The following UVRAG variants were observed in gnomAD, a reference collection of about 807,000 sequenced individuals.
UVRAG encodes the protein UV radiation resistance-associated gene protein.
Under a neutral mutation model 78.0 loss-of-function variants are expected in UVRAG, and 19 were observed. That is an observed-to-expected ratio of 0.24 (90% confidence interval 0.17 to 0.36). UVRAG has a LOEUF of 0.36. Ranked by LOEUF, UVRAG falls within the 10% of genes least tolerant of loss-of-function variation. The pLI is 1.00. For missense variants in UVRAG, 740 were observed against 853.8 expected, an observed-to-expected ratio of 0.87 and a Z score of 1.66; for synonymous variants, 323 against 324.6, an observed-to-expected ratio of 1.00 and a Z score of 0.05.
intron 7 of UVRAG, among the ~76,000 whole-genome samples, chr11:75,961,973 CTTA>C (rs1948919758): frequency 1.3e-5 from 2 of 152,052 alleles, no homozygotes; most frequent in South Asian, 4.1e-4. Flanking sequence ...GGGAAATACT[CTTA>C]TTAAGGAGGC....
At chr11:75,878,922 AGG>A (rs1946878050) in intron 3 of UVRAG, among the ~76,000 whole-genome samples, 2 of 145,234 alleles carry the variant, frequency 1.4e-5, no homozygotes, top group Non-Finnish European at 3.1e-5. Flanking sequence ...GGGGAGGGAG[AGG>A]GAGAGGGAGA....
intron 3 of UVRAG, among the ~76,000 whole-genome samples, chr11:75,869,773 T>C (rs1451991466): frequency 1.3e-5 from 2 of 152,174 alleles, no homozygotes; most frequent in Non-Finnish European, 2.9e-5. Flanking sequence ...ATTGTGTTAA[T>C]AGTAATGATA....
chr11:75,893,923 G>A (rs1947280837), intron 5 of UVRAG, among the ~76,000 whole-genome samples: 1 of 152,056 alleles, frequency 6.6e-6, no homozygotes, highest in Non-Finnish European at 1.5e-5. Context: ...GGGATTATAG[G>A]TGTGAACCAC....
At chr11:75,886,179 T>C (rs1401213556) in intron 4 of UVRAG, among the ~76,000 whole-genome samples, 2 of 152,176 alleles carry the variant, frequency 1.3e-5, no homozygotes, top group East Asian at 3.8e-4. Context: ...TTTCAAGTAC[T>C]AGTACTATAT....
intron 14 of UVRAG, among the ~76,000 whole-genome samples, chr11:76,127,671 A>G (rs530933418): frequency 4.7e-5 from 7 of 148,836 alleles, no homozygotes; most frequent in East Asian, 2.0e-4. Context: ...GAATGAATCA[A>G]TGAGGCCTGG....
At position 76,141,283 on chromosome 11, in the gene UVRAG, T is replaced by C. The variant is rs1952719124; in HGVS notation, c.1970T>C (p.Val657Ala). The part of the protein sequence containing the change: ...DQLEAFNCIP[V>A]DSAVAVECDE... Reference sequence around the variant, plus strand: ...CTAGAAGCATTTAACTGCATCCCAGTGGACAGTGCTGTGGCAGTAGAGTGT... The same window carrying C: ...CTAGAAGCATTTAACTGCATCCCAGCGGACAGTGCTGTGGCAGTAGAGTGT... The change falls in exon 15 of 15, where the codon GTG (valine) becomes GCG (alanine). Residue 657 changes from valine to alanine, a missense_variant. Transcript: ENST00000356136. 2 of 1,614,056 alleles carry C rather than the reference T, an allele frequency of 1.2e-6. No individual in the cohort carries two copies. Among genetic ancestry groups the C allele is most frequent in the African/African-American group, 1.3e-5 (1 of 74,904 alleles).
At chr11:75,895,769 A>C (rs1031698935) in intron 5 of UVRAG, among the ~76,000 whole-genome samples, 3 of 152,024 alleles carry the variant, frequency 2.0e-5, no homozygotes, top group Non-Finnish European at 2.9e-5. Context: ...GAGCCACCAC[A>C]CCTGGCCAGA....
At chr11:76,031,854 A>T (rs1001380200) in intron 12 of UVRAG, among the ~76,000 whole-genome samples, 1 of 152,200 alleles carries the variant, frequency 6.6e-6, no homozygotes, top group East Asian at 1.9e-4. Flanking sequence ...TGAGCGTGCC[A>T]GTAGTTCATG....
At chr11:76,090,925 G>T (rs1335662763) in intron 13 of UVRAG, among the ~76,000 whole-genome samples, 1 of 152,046 alleles carries the variant, frequency 6.6e-6, no homozygotes, top group Non-Finnish European at 1.5e-5. Flanking sequence ...CATAATCCTA[G>T]GGATTTCCAT....
At chr11:75,928,192 T>C (rs1948154920) in intron 6 of UVRAG, among the ~76,000 whole-genome samples, 1 of 152,124 alleles carries the variant, frequency 6.6e-6, no homozygotes, top group African/African-American at 2.4e-5. Flanking sequence ...ATCAGAAAAC[T>C]GCTGCTGGTG....
At chr11:75,887,852 G>T (rs541652002) in intron 4 of UVRAG, among the ~76,000 whole-genome samples, 62 of 152,316 alleles carry the variant, frequency 4.1e-4, no homozygotes, top group African/African-American at 1.5e-3. Flanking sequence ...CCAAAGTGCT[G>T]GGATTACAGG....
intron 3 of UVRAG, among the ~76,000 whole-genome samples, chr11:75,868,825 T>C (rs1412082496): frequency 2.0e-5 from 3 of 152,228 alleles, no homozygotes; most frequent in Admixed American, 6.5e-5. Context: ...ATCTACTCAT[T>C]GGTTATTTTC....
rs1952720959 is a variant in UVRAG at position 76,141,383 on chromosome 11, C to T, written c.2070C>T (p.Phe690=). Residue 690 remains phenylalanine, a synonymous_variant, in exon 15 of 15, where the codon TTC becomes TTT. Coordinates refer to ENST00000356136, the MANE Select transcript of UVRAG (RefSeq NM_003369.4). ...CACTGAATGAAAACGTATCCAGCTT[C>T]CGCCGGCCGCGCAGGAGTTCCGATA... ...IYALNENVSS[F]RRPRRSSDK 2 of 1,613,626 alleles carry T rather than the reference C, an allele frequency of 1.2e-6. No individual in the cohort carries two copies. The highest frequency in any genetic ancestry group is 1.7e-5 in the Admixed American group (1 of 60,008).
intron 12 of UVRAG, among the ~76,000 whole-genome samples, chr11:76,035,758 C>A (rs904039405): frequency 6.6e-6 from 1 of 152,136 alleles, no homozygotes; most frequent in Non-Finnish European, 1.5e-5. Context: ...TGAATATCTA[C>A]CATATGAATA....
chr11:75,887,066 A>C (rs1325000766), intron 4 of UVRAG, among the ~76,000 whole-genome samples: 1 of 151,344 alleles, frequency 6.6e-6, no homozygotes, highest in Non-Finnish European at 1.5e-5. Flanking sequence ...CCCGGGTTCA[A>C]ACAATTCTCC....
intron 13 of UVRAG, among the ~76,000 whole-genome samples, chr11:76,066,287 C>G (rs1480647191): frequency 2.0e-5 from 3 of 152,116 alleles, no homozygotes; most frequent in Non-Finnish European, 4.4e-5. Context: ...AACATCACAT[C>G]AGTTAGTATG....
chr11:75,857,053 C>G (rs572914803), intron 2 of UVRAG, among the ~76,000 whole-genome samples: 5 of 152,292 alleles, frequency 3.3e-5, no homozygotes, highest in Admixed American at 1.3e-4. Context: ...TATCCATAAC[C>G]TAATCACTTC....
intron 11 of UVRAG, among the ~76,000 whole-genome samples, chr11:76,009,692 G>T (rs889619628): frequency 5.3e-5 from 8 of 152,118 alleles, no homozygotes; most frequent in Non-Finnish European, 1.0e-4. Flanking sequence ...AGAGTGTTTT[G>T]TTACCCTGTT....
At chr11:75,877,563 C>T (rs1231576106) in intron 3 of UVRAG, among the ~76,000 whole-genome samples, 2 of 122,360 alleles carry the variant, frequency 1.6e-5, no homozygotes, top group African/African-American at 3.6e-5. Context: ...GGGGGGCTGA[C>T]CCCCCCCACC....
Sources: allele counts gnomAD v4.1 joint callset (sites outside exome capture counted in the v4.1 genomes callset), GRCh38; gene constraint gnomAD v4.1.1; transcripts MANE v1.5; gene names NCBI Gene and HGNC (gene_info 2026-07-23, HGNC 2026-07-21).